SORL1: variants seen among roughly 807,000 people sequenced by gnomAD.
SORL1 encodes the protein sortilin related receptor 1.
SORL1 carries 127 observed loss-of-function variants against 273.7 expected under a neutral mutation model. The observed-to-expected ratio is 0.46, with a 90% CI of 0.40 to 0.54. The LOEUF (loss-of-function observed/expected upper bound fraction) is 0.54. Ranked by LOEUF, SORL1 falls within the 20% of genes least tolerant of loss-of-function variation. SORL1 has a pLI of 0.00. For missense variants in SORL1, 2,494 were observed against 2,846.1 expected (o/e 0.88, Z 2.81); for synonymous variants, 1,031 against 1,067.4 (o/e 0.97, Z 0.66).
intron 5 of SORL1, among the ~76,000 whole-genome samples, chr11:121,491,119 A>C (rs1861546775): frequency 6.6e-6 from 1 of 152,210 alleles, no homozygotes; most frequent in Non-Finnish European, 1.5e-5. Flanking sequence ...GGATGCGCCA[A>C]TGTGGTGCTT....
At chr11:121,569,950 T>C (rs898330738) in intron 22 of SORL1, among the ~76,000 whole-genome samples, 2 of 152,174 alleles carry the variant, frequency 1.3e-5, no homozygotes, top group Non-Finnish European at 2.9e-5. Context: ...TTTTTTACGC[T>C]GTCCCTTTAT....
Position 121,607,221 on chromosome 11 carries a change from C to G in SORL1, c.5097C>G (p.Ala1699=). The G allele has an allele frequency of 2.5e-6, 4 of 1,612,564 alleles. No homozygotes were observed. Among genetic ancestry groups the G allele is most frequent in the Non-Finnish European group, 3.4e-6 (4 of 1,178,586 alleles). Residue 1699 remains alanine (A), a synonymous_variant, in exon 37 of 48, where the codon GCC becomes GCG. Transcript: ENST00000260197. ...EYSRSGSKMW[A]SQRAASNFTE... Reference sequence around the variant, plus strand: ...GCAGGAGTGGTTCCAAGATGTGGGCCTCCCAGAGGGCTGCTAGTAACTTTA... The same window carrying G: ...GCAGGAGTGGTTCCAAGATGTGGGCGTCCCAGAGGGCTGCTAGTAACTTTA...
At chr11:121,588,768 G>A (rs776041646) in intron 28 of SORL1, among the ~76,000 whole-genome samples, 7 of 152,108 alleles carry the variant, frequency 4.6e-5, no homozygotes, top group Non-Finnish European at 7.4e-5. Flanking sequence ...TCAAGGTGTC[G>A]GCAGGGTTGG....
intron 9 of SORL1, 109 bp from the exon 10 acceptor site, chr11:121,522,477 C>A: frequency 1.3e-6 from 1 of 798,526 alleles, no homozygotes; most frequent in Non-Finnish European, 2.2e-6. Context: ...CTGGGCCAGG[C>A]CTCCTTGCCC....
In SORL1 at chr11:121,553,951, A is replaced by G. The variant is rs760171845; in HGVS notation, c.2281A>G (p.Ile761Val). 6.2e-7 allele frequency: 1 copy of G among 1,613,762 alleles called. No individual in the cohort carries two copies. The highest frequency in any genetic ancestry group is 1.1e-5 in the South Asian group (1 of 91,034). ...GTGTCTGGCAGAAGAGAACGAGTTC[A>G]TTCTGTATGCTGTGAGGAAATCCAT... ...PCPLAEENEF[I>V]LYAVRKSIYR... Residue 761 changes from isoleucine (I) to valine (V), a missense_variant, in exon 17 of 48, where the codon ATT (isoleucine) becomes GTT (valine). Ile to Val is a conservative substitution (Grantham distance 29, BLOSUM62 3). Transcript: ENST00000260197.
At chr11:121,539,892 C>A (rs1177773945) in intron 12 of SORL1, among the ~76,000 whole-genome samples, 1 of 151,998 alleles carries the variant, frequency 6.6e-6, no homozygotes, top group Non-Finnish European at 1.5e-5. Flanking sequence ...ATTCTATTGG[C>A]CATCAGAGCA....
intron 1 of SORL1, among the ~76,000 whole-genome samples, chr11:121,454,340 G>A (rs535733432): frequency 6.6e-6 from 1 of 152,350 alleles, no homozygotes; most frequent in Non-Finnish European, 1.5e-5. Context: ...TATAGTTTAG[G>A]TTGAGGAAAA....
At chr11:121,493,568 T>G (rs1001591091) in intron 5 of SORL1, among the ~76,000 whole-genome samples, 1 of 152,216 alleles carries the variant, frequency 6.6e-6, no homozygotes, top group African/African-American at 2.4e-5. Context: ...CATGCCTGTT[T>G]TCTATTTGAT....
rs1460623360 is a variant in SORL1, at chr11:121,549,901, A to T, written c.2052-59A>T. 4 of 1,567,256 alleles carry T rather than the reference A, an allele frequency of 2.6e-6. No individual in the cohort carries two copies. The East Asian group carries it at 9.1e-5, about 36-fold the overall frequency. On this transcript the variant is annotated intron_variant, in intron 14 of 47. Coordinates refer to ENST00000260197, the MANE Select transcript of SORL1 (RefSeq NM_003105.6). ...GTAAGGTAAAGTCAGCAGAATTGGT[A>T]CAGGAATGCCTGAAATGTATAAAAC...
intron 23 of SORL1, among the ~76,000 whole-genome samples, chr11:121,573,972 C>G (rs1218646624): frequency 6.6e-6 from 1 of 152,212 alleles, no homozygotes; most frequent in African/African-American, 2.4e-5. Context: ...GCCTGTCACT[C>G]TCTCTCGCCA....
intron 12 of SORL1, among the ~76,000 whole-genome samples, chr11:121,539,228 T>C (rs1281571221): frequency 1.3e-5 from 2 of 152,228 alleles, no homozygotes; most frequent in Non-Finnish European, 2.9e-5. Flanking sequence ...TGTGTCATTG[T>C]CCTGTTTTTC....
At chr11:121,577,128 T>C in intron 24 of SORL1, 153 bp from the exon 25 acceptor site, 2 of 1,165,942 alleles carry the variant, frequency 1.7e-6, no homozygotes, top group South Asian at 2.8e-5. Flanking sequence ...TTAAATGACC[T>C]TTTGTCCCTG....
chr11:121,552,695 T>C lies in SORL1; in HGVS notation c.2267-1242T>C, dbSNP rs888935244. Among the ~76,000 whole-genome samples, 5 of 152,238 alleles carry C rather than the reference T, an allele frequency of 3.3e-5. 1 individual carries two copies. Among genetic ancestry groups the C allele is most frequent in the Admixed American group, 1.3e-4 (2 of 15,290 alleles). ...AGGAAAAGAAGGAAAACTTACCTTATTAAAAATTGTAGGTAGATTTATTTT... is the reference window on the plus strand; with the variant it reads ...AGGAAAAGAAGGAAAACTTACCTTACTAAAAATTGTAGGTAGATTTATTTT... On this transcript the variant is annotated intron_variant, in intron 16 of 47. Transcript: ENST00000260197.
chr11:121,629,703 A>G lies in SORL1; in HGVS notation c.*140A>G. 1.3e-5 allele frequency: 8 copies of G among 601,914 alleles called. No individual in the cohort carries two copies. Among genetic ancestry groups the G allele is most frequent in the Non-Finnish European group, 2.1e-5 (7 of 339,622 alleles). 37.3% of individuals were successfully genotyped at this position (601,914 alleles called of 1,614,324 possible). ...CAAAAACAAAAAACAAAAAAAAAAA[A>G]AAGGAAAGAAAGGAATGAATAAACT... On this transcript the variant is annotated 3_prime_UTR_variant, in exon 48 of 48. Transcript: ENST00000260197.
At chr11:121,594,741 C>G (rs992515613) in intron 31 of SORL1, among the ~76,000 whole-genome samples, 3 of 152,140 alleles carry the variant, frequency 2.0e-5, no homozygotes, top group Admixed American at 2.0e-4. Flanking sequence ...AGCCTTTTCT[C>G]AGATAGTTCT....
chr11:121,615,095 C>A, intron 41 of SORL1, 40 bp downstream of exon 41: 2 of 1,522,622 alleles, frequency 1.3e-6, no homozygotes, highest in Non-Finnish European at 8.9e-7. Flanking sequence ...TGAGTGTGGA[C>A]TGTCCCCTAA....
chr11:121,609,784 T>C, intron 38 of SORL1: 1 of 152,252 alleles, frequency 6.6e-6, no homozygotes, highest in Non-Finnish European at 1.5e-5. Context: ...CACCATTCCC[T>C]GAGCACTTCT....
intron 2 of SORL1, among the ~76,000 whole-genome samples, chr11:121,474,398 C>T (rs754163030): frequency 2.0e-5 from 3 of 152,202 alleles, no homozygotes; most frequent in Non-Finnish European, 4.4e-5. Context: ...CTGTAAAGTA[C>T]TTAGAACAGT....
chr11:121,567,458 G>T (rs1033887904), intron 22 of SORL1, among the ~76,000 whole-genome samples: 1 of 152,154 alleles, frequency 6.6e-6, no homozygotes, highest in African/African-American at 2.4e-5. Context: ...CTCACATCCA[G>T]GTTTCTTACC....
Sources: gnomAD v4.1 joint callset for allele counts (sites outside exome capture counted in the v4.1 genomes callset) on GRCh38, gnomAD v4.1.1 for gene constraint, MANE v1.5 for transcripts, NCBI Gene and HGNC (gene_info 2026-07-23, HGNC 2026-07-21) for gene names.